The following ABHD17B variants were observed in gnomAD, a reference collection of about 807,000 sequenced individuals.
ABHD17B encodes the protein abhydrolase domain containing 17B, depalmitoylase, also known as alpha/beta hydrolase domain-containing protein 17B.
ABHD17B carries 9 observed loss-of-function variants against 26.2 expected under a neutral mutation model. The ratio of observed to expected loss-of-function variants is 0.34; its 90% CI spans 0.21 to 0.60. The LOEUF is 0.60. Ranked by LOEUF, ABHD17B falls within the 20% of genes least tolerant of loss-of-function variation. ABHD17B has a pLI of 0.80. For synonymous variants in ABHD17B, 127 were observed against 122.3 expected, an observed-to-expected ratio of 1.04 and a Z score of -0.25; for missense variants, 224 against 352.1, an observed-to-expected ratio of 0.64 and a Z score of 2.91.
chr9:71,869,832 A>C lies in ABHD17B; in HGVS notation c.647+251T>G, dbSNP rs190454920. 9.9e-4 allele frequency among the ~76,000 whole-genome samples: 150 copies of C among 152,244 alleles called. 1 individual carries two copies. The highest frequency in any genetic ancestry group is 1.4e-3 in the Non-Finnish European group (98 of 68,014). On this transcript the variant is annotated intron_variant, in intron 3 of 3. Transcript: ENST00000333421. The stretch of plus-strand genomic sequence containing the variant: ...GTTTCAAATTAATTCCCTTGTCTCC[A>C]ATACTAGTGCCACCACCTGAGGTGT...
In ABHD17B at chr9:71,874,934, A is replaced by G; in HGVS notation, c.147T>C (p.His49=). ...CDESGSRWTL[H]LSERADWQYS... is the part of the protein sequence containing the mutation. ...ACTGCCAGTCTGCTCGTTCAGACAG[A>G]TGTAAAGTCCAACGGCTTCCGCTTT... The change falls in exon 2 of 4, where the codon CAT becomes CAC. Residue 49 remains histidine, a synonymous_variant. Transcript: ENST00000333421. The G allele has an allele frequency of 6.2e-7, 1 of 1,614,220 alleles. No individual in the cohort carries two copies.
intron 1 of ABHD17B, among the ~76,000 whole-genome samples, chr9:71,906,829 A>AC (rs1176142640): frequency 6.6e-6 from 1 of 151,214 alleles, no homozygotes; most frequent in East Asian, 1.9e-4. Context: ...CAAAAAAAAA[A>AC]ACAGCATCTG....
chr9:71,900,193 T>C (rs1025076958), intron 1 of ABHD17B, among the ~76,000 whole-genome samples: 4 of 152,220 alleles, frequency 2.6e-5, no homozygotes, highest in African/African-American at 7.2e-5. Context: ...TAGGGTTATA[T>C]AGAATAAGAA....
At chr9:71,864,373 C>T (rs1825900736), downstream of ABHD17B, among the ~76,000 whole-genome samples, 1 of 151,898 alleles carries the variant, frequency 6.6e-6, no homozygotes, top group South Asian at 2.1e-4. Context: ...GCGCGTGCCA[C>T]CACGCCCAGC....
At chr9:71,900,469 G>A (rs1827099047) in intron 1 of ABHD17B, among the ~76,000 whole-genome samples, 1 of 151,830 alleles carries the variant, frequency 6.6e-6, no homozygotes, top group Non-Finnish European at 1.5e-5. Flanking sequence ...GGCCAATAGG[G>A]TGAAACCCCG....
chr9:71,909,266 G>A lies in ABHD17B; in HGVS notation c.-4+1368C>T, dbSNP rs146212027. 3.7e-3 allele frequency among the ~76,000 whole-genome samples: 567 copies of A among 152,292 alleles called. 3 individuals are homozygous for A. Among genetic ancestry groups the A allele is most frequent in the Middle Eastern group, 0.014 (4 of 294 alleles). On this transcript the variant is annotated intron_variant, in intron 1 of 3. Coordinates refer to ENST00000333421, the MANE Select transcript of ABHD17B (RefSeq NM_001025780.3). ...GAGAGGTCAAAATATAGGTGAAGGT[G>A]CCATTCATTTCCTTCTGGATTTCAA...
chr9:71,862,670 C>T, downstream of ABHD17B: 2 of 758,596 alleles, frequency 2.6e-6, no homozygotes, highest in Non-Finnish European at 4.6e-6. Context: ...GTTTATGTGG[C>T]TTTCCATAAC....
chr9:71,901,221 T>C (rs1181738654), intron 1 of ABHD17B, among the ~76,000 whole-genome samples: 1 of 152,094 alleles, frequency 6.6e-6, no homozygotes, highest in African/African-American at 2.4e-5. Flanking sequence ...CTACTGTACC[T>C]GAGTTGTTTT....
intron 1 of ABHD17B, among the ~76,000 whole-genome samples, chr9:71,887,437 G>A (rs1212374756): frequency 6.6e-6 from 1 of 152,176 alleles, no homozygotes; most frequent in Non-Finnish European, 1.5e-5. Context: ...TTTTAATGCA[G>A]TGCTTTTTAT....
At chr9:71,895,961 A>T (rs1297883628) in intron 1 of ABHD17B, among the ~76,000 whole-genome samples, 3 of 152,158 alleles carry the variant, frequency 2.0e-5, no homozygotes, top group African/African-American at 7.2e-5. Context: ...TGACTTGAAA[A>T]CTACTTTCTC....
chr9:71,870,189 C>T lies in ABHD17B; in HGVS notation c.541G>A (p.Ala181Thr). ...IGTVPSVDLA[A>T]RYESAAVILH... ...ATAACAGCAGCACTCTCATATCGAGCAGCAAGATCCACAGACGGTACTGTC... is the reference window on the plus strand; with the variant it reads ...ATAACAGCAGCACTCTCATATCGAGTAGCAAGATCCACAGACGGTACTGTC... Residue 181 changes from alanine (A) to threonine (T), a missense_variant, in exon 3 of 4, where the codon GCT becomes ACT. Ala to Thr is a moderately conservative substitution (Grantham distance 58, BLOSUM62 0). Transcript: ENST00000333421. 6.2e-7 allele frequency: 1 copy of T among 1,614,074 alleles called. No homozygotes were observed. Among genetic ancestry groups the T allele is most frequent in the Non-Finnish European group, 8.5e-7 (1 of 1,179,970 alleles).
chr9:71,903,135 A>T (rs1172812438), intron 1 of ABHD17B, among the ~76,000 whole-genome samples: 1 of 152,098 alleles, frequency 6.6e-6, no homozygotes, highest in African/African-American at 2.4e-5. Context: ...TTTAAAAAGT[A>T]TTTATCTGTA....
At position 71,882,453 on chromosome 9, in the gene ABHD17B, G is replaced by A. The variant is rs569742807; in HGVS notation, c.-3-7370C>T. ...GCGGGAGAATCCCCTGAGTTCAGGA[G>A]TTCAAGACCAGCCTGGCCAACATGG... On this transcript the variant is annotated intron_variant, in intron 1 of 3. Transcript: ENST00000333421. Among the ~76,000 whole-genome samples the A allele has an allele frequency of 2.0e-5, 3 of 152,304 alleles. No individual in the cohort carries two copies. In the South Asian group the frequency reaches 6.2e-4, roughly 32 times the overall value.
At chr9:71,901,666 T>C (rs1003986799) in intron 1 of ABHD17B, among the ~76,000 whole-genome samples, 1 of 152,060 alleles carries the variant, frequency 6.6e-6, no homozygotes. Context: ...AACTCTAGAC[T>C]CTGAAATATC....
At chr9:71,880,111 GTAATA>G (rs998506926) in intron 1 of ABHD17B, among the ~76,000 whole-genome samples, 120 of 152,254 alleles carry the variant, frequency 7.9e-4, no homozygotes, top group African/African-American at 2.7e-3. Context: ...CACTTCTTGA[GTAATA>G]TAAAAGGACA....
At chr9:71,897,668 T>C (rs1277048893) in intron 1 of ABHD17B, among the ~76,000 whole-genome samples, 1 of 152,258 alleles carries the variant, frequency 6.6e-6, no homozygotes, top group Non-Finnish European at 1.5e-5. Context: ...ATAACATTTA[T>C]GCACTCTCAA....
At chr9:71,898,759 A>C (rs1311331626) in intron 1 of ABHD17B, among the ~76,000 whole-genome samples, 1 of 152,134 alleles carries the variant, frequency 6.6e-6, no homozygotes, top group African/African-American at 2.4e-5. Context: ...GCACTTTGGG[A>C]GGCCGAGGTA....
At chr9:71,880,121 A>C (rs1443002184) in intron 1 of ABHD17B, among the ~76,000 whole-genome samples, 1 of 152,210 alleles carries the variant, frequency 6.6e-6, no homozygotes, top group African/African-American at 2.4e-5. Context: ...GTAATATAAA[A>C]GGACAAAATT....
intron 2 of ABHD17B, among the ~76,000 whole-genome samples, chr9:71,874,051 G>A (rs896034292): frequency 6.6e-6 from 1 of 152,174 alleles, no homozygotes; most frequent in Non-Finnish European, 1.5e-5. Flanking sequence ...GACAGATCAA[G>A]TGAATAATTA....
Sources: gnomAD v4.1 joint callset for allele counts (sites outside exome capture counted in the v4.1 genomes callset) on GRCh38, gnomAD v4.1.1 for gene constraint, MANE v1.5 for transcripts, NCBI Gene and HGNC (gene_info 2026-07-23, HGNC 2026-07-21) for gene names.